SIPA1L3: variants seen among roughly 807,000 people sequenced by gnomAD.
SIPA1L3 encodes the protein signal-induced proliferation-associated 1-like protein 3.
A neutral mutation model predicts 150.1 loss-of-function variants in SIPA1L3; 59 were observed. That is an observed-to-expected ratio of 0.39 (90% CI 0.32 to 0.49). SIPA1L3 has a LOEUF of 0.49. Ranked by LOEUF, SIPA1L3 falls within the 20% of genes least tolerant of loss-of-function variation. SIPA1L3 has a pLI of 0.86. For missense variants in SIPA1L3, 2,211 were observed against 2,489.5 expected, an observed-to-expected ratio of 0.89 and a Z score of 2.38; for synonymous variants, 1,070 against 1,077.6, an observed-to-expected ratio of 0.99 and a Z score of 0.14.
intron 2 of SIPA1L3, among the ~76,000 whole-genome samples, chr19:38,057,282 A>G (rs879807902): frequency 2.0e-5 from 3 of 150,366 alleles, no homozygotes; most frequent in Non-Finnish European, 4.4e-5. Flanking sequence ...TCAAATATAT[A>G]TATATATGTA....
chr19:38,080,501 AC>A (rs753594025), intron 2 of SIPA1L3, among the ~76,000 whole-genome samples: 39 of 152,218 alleles, frequency 2.6e-4, no homozygotes, highest in Non-Finnish European at 4.8e-4. Context: ...TTTCGAACAA[AC>A]CAGCTCACAA....
Position 38,152,960 on chromosome 19 carries a change from G to A in SIPA1L3, c.3654G>A (p.Gln1218=). The A allele has an allele frequency of 1.2e-6, 2 of 1,612,502 alleles. No homozygotes were observed. Among genetic ancestry groups the A allele is most frequent in the Non-Finnish European group, 1.7e-6 (2 of 1,179,444 alleles). The change falls in exon 13 of 22, where the codon CAG becomes CAA. Residue 1218 remains glutamine, a synonymous_variant. Coordinates refer to ENST00000222345, the MANE Select transcript of SIPA1L3 (RefSeq NM_015073.3). ...GCCAGGAGAGCACCATGGAACGCCA[G>A]AAGCCAGGTAGGGCCCCCACCAGCT... The part of the protein sequence containing the change: ...LTSQESTMER[Q]KPEPLWHVPA...
intron 2 of SIPA1L3, among the ~76,000 whole-genome samples, chr19:38,052,553 T>C (rs543043252): frequency 6.6e-6 from 1 of 152,324 alleles, no homozygotes; most frequent in East Asian, 1.9e-4. Flanking sequence ...GGAAATGTAG[T>C]TCCCTGTGTT....
At position 38,119,332 on chromosome 19, in the gene SIPA1L3, C is replaced by T. The variant is rs1312897580; in HGVS notation, c.2318C>T (p.Ala773Val). The T allele has an allele frequency of 6.2e-7, 1 of 1,614,060 alleles. No individual in the cohort carries two copies. The highest frequency in any genetic ancestry group is 8.5e-7 in the Non-Finnish European group (1 of 1,179,962). ...YSMAVTRSKDAPPFGPPIPSG... is the reference protein window; with the variant it reads ...YSMAVTRSKDVPPFGPPIPSG... ...ATGGCTGTGACCCGATCCAAAGACG[C>T]TCCTCCTTTCGGCCCCCCCATCCCC... Residue 773 changes from alanine (A) to valine (V), a missense_variant, in exon 9 of 22, where the codon GCT (alanine) becomes GTT (valine). By Grantham distance (64) the Ala-to-Val change is moderately conservative. Coordinates refer to ENST00000222345, the MANE Select transcript of SIPA1L3 (RefSeq NM_015073.3).
chr19:38,158,890 A>G (rs1001996220), intron 13 of SIPA1L3, among the ~76,000 whole-genome samples: 3 of 152,180 alleles, frequency 2.0e-5, no homozygotes, highest in African/African-American at 7.2e-5. Flanking sequence ...GAGGTGCTGC[A>G]GGGCAGCCGA....
chr19:38,005,266 C>T (rs1967913137), intron 1 of SIPA1L3, among the ~76,000 whole-genome samples: 1 of 152,152 alleles, frequency 6.6e-6, no homozygotes, highest in African/African-American at 2.4e-5. Context: ...ACTAAAACCT[C>T]ATTGCAACTC....
At chr19:38,099,352 T>TA (rs1568549136) in intron 4 of SIPA1L3, among the ~76,000 whole-genome samples, 2 of 151,010 alleles carry the variant, frequency 1.3e-5, no homozygotes, top group Non-Finnish European at 3.0e-5. Context: ...TTTTTTTTTT[T>TA]AAATGAAACT....
chr19:37,912,288 G>C (rs1335144882), intron 1 of SIPA1L3, among the ~76,000 whole-genome samples: 1 of 151,994 alleles, frequency 6.6e-6, no homozygotes, highest in Non-Finnish European at 1.5e-5. Flanking sequence ...GCATGGCCCA[G>C]TGGCTGAAGC....
At chr19:37,984,022 C>T (rs75923384) in intron 1 of SIPA1L3, among the ~76,000 whole-genome samples, 649 of 151,980 alleles carry the variant, frequency 4.3e-3, no homozygotes, top group African/African-American at 0.015. Flanking sequence ...TGGAGTTGCA[C>T]GAAACTATGT....
intron 9 of SIPA1L3, among the ~76,000 whole-genome samples, chr19:38,120,781 A>G (rs1215739241): frequency 6.6e-6 from 1 of 152,254 alleles, no homozygotes; most frequent in African/African-American, 2.4e-5. Context: ...TGCCTGAAGC[A>G]TTGTGCTGAG....
chr19:38,030,484 G>C (rs1436450126), intron 2 of SIPA1L3, among the ~76,000 whole-genome samples: 1 of 151,806 alleles, frequency 6.6e-6, no homozygotes, highest in Non-Finnish European at 1.5e-5. Context: ...CACCTGAACC[G>C]GTGGAGGTCA....
chr19:38,027,514 G>A (rs1202140592), intron 1 of SIPA1L3, among the ~76,000 whole-genome samples: 4 of 152,028 alleles, frequency 2.6e-5, no homozygotes, highest in Non-Finnish European at 5.9e-5. Context: ...TGAGGTTGGC[G>A]GGGATATTTG....
intron 19 of SIPA1L3, chr19:38,200,412 G>C (rs1453360904): frequency 6.6e-6 from 1 of 152,248 alleles, no homozygotes; most frequent in African/African-American, 2.4e-5. Context: ...CCTAAGGACA[G>C]GTGTACTGGC....
intron 1 of SIPA1L3, among the ~76,000 whole-genome samples, chr19:37,938,602 T>G (rs1369373376): frequency 6.6e-6 from 1 of 151,764 alleles, no homozygotes; most frequent in Non-Finnish European, 1.5e-5. Flanking sequence ...CACATCTGCT[T>G]CTTTTTCTTT....
intron 3 of SIPA1L3, among the ~76,000 whole-genome samples, chr19:38,084,634 T>C (rs1346961599): frequency 2.8e-5 from 4 of 145,450 alleles, no homozygotes; most frequent in Non-Finnish European, 6.0e-5. Context: ...TTTTTCTTTT[T>C]CTTTTTTTTT....
At chr19:38,022,657 G>C (rs1054286059) in intron 1 of SIPA1L3, among the ~76,000 whole-genome samples, 1 of 138,722 alleles carries the variant, frequency 7.2e-6, no homozygotes, top group Non-Finnish European at 1.6e-5. Context: ...GCAGTGAGCC[G>C]AGATGGTGCC....
At chr19:38,122,485 TC>T (rs1386109766) in intron 9 of SIPA1L3, among the ~76,000 whole-genome samples, 1 of 152,110 alleles carries the variant, frequency 6.6e-6, no homozygotes, top group Non-Finnish European at 1.5e-5. Flanking sequence ...CCCTGGTCTC[TC>T]CCGGACACTT....
At chr19:38,171,188 T>G (rs573027804) in intron 15 of SIPA1L3, among the ~76,000 whole-genome samples, 2 of 152,008 alleles carry the variant, frequency 1.3e-5, no homozygotes, top group Admixed American at 6.6e-5. Flanking sequence ...GCAAAGTCCC[T>G]GTGGTAGGGA....
At chr19:38,198,793 G>A (rs571981336) in intron 19 of SIPA1L3, among the ~76,000 whole-genome samples, 2 of 152,294 alleles carry the variant, frequency 1.3e-5, no homozygotes, top group Admixed American at 6.5e-5. Flanking sequence ...AAAACACCAC[G>A]TGTAAAACAC....
Sources: gnomAD v4.1 joint callset for allele counts (sites outside exome capture counted in the v4.1 genomes callset) on GRCh38, gnomAD v4.1.1 for gene constraint, MANE v1.5 for transcripts, NCBI Gene and HGNC (gene_info 2026-07-23, HGNC 2026-07-21) for gene names.